FAM193A: variants seen among roughly 807,000 people sequenced by gnomAD.
FAM193A encodes family with sequence similarity 193 member A, also known as protein FAM193A.
A neutral mutation model predicts 126.5 loss-of-function variants in FAM193A; 22 were observed. The ratio of observed to expected loss-of-function variants is 0.17; its 90% CI spans 0.12 to 0.25. The LOEUF (loss-of-function observed/expected upper bound fraction) is 0.25. FAM193A is among the 10% of genes least tolerant of loss of function. The pLI, the probability that FAM193A is intolerant of heterozygous loss-of-function variation, is 1.00. For missense variants in FAM193A, 1,675 were observed against 1,672.8 expected, an observed-to-expected ratio of 1.00 and a Z score of -0.02; for synonymous variants, 761 against 646.8, an observed-to-expected ratio of 1.18 and a Z score of -2.68.
chr4:2,620,471 G>T (rs1742472793), intron 2 of FAM193A, among the ~76,000 whole-genome samples: 1 of 152,138 alleles, frequency 6.6e-6, no homozygotes, highest in South Asian at 2.1e-4. Flanking sequence ...ATTAACTGGG[G>T]TGTTTAGGTT....
chr4:2,627,250 T>C (rs1743063356), intron 4 of FAM193A, among the ~76,000 whole-genome samples: 1 of 146,918 alleles, frequency 6.8e-6, no homozygotes, highest in Non-Finnish European at 1.5e-5. Context: ...AACCCCTGCC[T>C]CCCGCATTCA....
chr4:2,586,802 T>C (rs1740265703), intron 1 of FAM193A, among the ~76,000 whole-genome samples: 1 of 151,914 alleles, frequency 6.6e-6, no homozygotes, highest in African/African-American at 2.4e-5. Flanking sequence ...TACAGGTGCA[T>C]GCCACTATGC....
intron 4 of FAM193A, 63 bp from the exon 5 acceptor site, chr4:2,630,872 A>G (rs1459029916): frequency 1.1e-6 from 1 of 898,020 alleles, no homozygotes; most frequent in East Asian, 2.5e-5. Flanking sequence ...AAAGATGCTC[A>G]CTGACATCAG....
intron 1 of FAM193A, among the ~76,000 whole-genome samples, chr4:2,593,608 C>G (rs1224536586): frequency 5.3e-5 from 8 of 152,194 alleles, no homozygotes; most frequent in Non-Finnish European, 1.0e-4. Context: ...AGTCCCTGAG[C>G]ATGTGATGGG....
chr4:2,606,213 G>T (rs1741542927), intron 2 of FAM193A, among the ~76,000 whole-genome samples: 1 of 151,414 alleles, frequency 6.6e-6, no homozygotes, highest in South Asian at 2.1e-4. Context: ...ACTGCGCCCG[G>T]CTAATTTTTG....
chr4:2,726,879 A>AG (rs1720809908), intron 20 of FAM193A, among the ~76,000 whole-genome samples: 1 of 145,456 alleles, frequency 6.9e-6, no homozygotes, highest in African/African-American at 2.6e-5. Flanking sequence ...GAACCCAGGA[A>AG]GAGGAGGTTG....
intron 18 of FAM193A, among the ~76,000 whole-genome samples, chr4:2,697,375 C>T (rs1480907036): frequency 1.3e-5 from 2 of 152,078 alleles, no homozygotes. Flanking sequence ...CAACTTTTTT[C>T]TCTTGGAGGA....
rs906293632 is a variant in FAM193A, at chr4:2,644,032, C to T, written c.1164-2653C>T. ...GGTAACATTACAGTAAGCATATTTTCATGCTGCTGTCTTGTATTTGCAAGC... is the reference window on the plus strand; with the variant it reads ...GGTAACATTACAGTAAGCATATTTTTATGCTGCTGTCTTGTATTTGCAAGC... On this transcript the variant is annotated intron_variant, in intron 6 of 20. Coordinates refer to ENST00000637812, the MANE Select transcript of FAM193A (RefSeq NM_001366318.2). Among the ~76,000 whole-genome samples, 3 of 152,162 alleles carry T rather than the reference C, an allele frequency of 2.0e-5. No individual in the cohort carries two copies. In the East Asian group the frequency reaches 5.8e-4, roughly 29 times the overall value.
chr4:2,597,170 A>G (rs1257810514), intron 2 of FAM193A, among the ~76,000 whole-genome samples: 7 of 152,068 alleles, frequency 4.6e-5, no homozygotes, highest in Non-Finnish European at 1.0e-4. Context: ...CATTGTCAGA[A>G]TTACTTTCTC....
At chr4:2,607,944 T>A in intron 2 of FAM193A, 1 of 1,410,700 alleles carries the variant, frequency 7.1e-7, no homozygotes, top group Non-Finnish European at 9.7e-7. Context: ...TGAACACAGA[T>A]TCTTTTCTTT....
intron 13 of FAM193A, among the ~76,000 whole-genome samples, chr4:2,677,479 A>C (rs188007283): frequency 2.2e-4 from 34 of 151,756 alleles, no homozygotes; most frequent in Admixed American, 3.3e-4. Context: ...GGTGGCTTAC[A>C]CTTGTAATCC....
intron 12 of FAM193A, among the ~76,000 whole-genome samples, chr4:2,664,558 C>CTTTTTTTTTTTTTTTTTTTT (rs33958851): frequency 1.4e-5 from 1 of 73,094 alleles, no homozygotes; most frequent in Admixed American, 1.6e-4. Context: ...TATTTTCTTT[C>CTTTTTTTTTTTTTTTTTTTT]TTTTTTTTTT....
chr4:2,564,696 G>A (rs1467968420), intron 1 of FAM193A, among the ~76,000 whole-genome samples: 1 of 152,080 alleles, frequency 6.6e-6, no homozygotes, highest in African/African-American at 2.4e-5. Context: ...AAATATTTTT[G>A]GAGTATTCAT....
chr4:2,667,589 T>C (rs184351622), intron 12 of FAM193A, among the ~76,000 whole-genome samples: 1 of 152,348 alleles, frequency 6.6e-6, no homozygotes, highest in Non-Finnish European at 1.5e-5. Context: ...TTAACGTCCG[T>C]TTTATTTGTT....
In FAM193A at chr4:2,608,033, G is replaced by A. The variant is rs1397099532; in HGVS notation, c.501+11704G>A. The A allele has an allele frequency of 6.2e-6, 10 of 1,606,472 alleles. No homozygotes were observed. In the East Asian group the frequency reaches 9.0e-5, roughly 14 times the overall value. ...TGTGAATGTGCACCACGCACTTCAC[G>A]TCCGGGTGTGCAGCATAAATTGCAG... On this transcript the variant is annotated intron_variant, in intron 2 of 20. Coordinates refer to ENST00000637812, the MANE Select transcript of FAM193A (RefSeq NM_001366318.2).
chr4:2,694,926 G>T lies in FAM193A; in HGVS notation c.3093-20G>T, dbSNP rs1716860569. ...TCCCGGGCCGGCCACTTGCTGATGA[G>T]CTTGTATGCGGTTTTGCAGTGACCC... On this transcript the variant is annotated intron_variant, in intron 16 of 20. Transcript: ENST00000637812. 1 of 1,571,186 alleles carries T rather than the reference G, an allele frequency of 6.4e-7. No homozygotes were observed. The highest frequency in any genetic ancestry group is 1.2e-5 in the South Asian group (1 of 83,940).
At chr4:2,567,124 A>G (rs922895715) in intron 1 of FAM193A, among the ~76,000 whole-genome samples, 20 of 122,254 alleles carry the variant, frequency 1.6e-4, no homozygotes, top group African/African-American at 5.7e-4. Flanking sequence ...TTTTTTTTGT[A>G]TTTTTAGTAG....
intron 1 of FAM193A, among the ~76,000 whole-genome samples, chr4:2,556,018 T>TC (rs1447916557): frequency 6.6e-6 from 1 of 151,596 alleles, no homozygotes; most frequent in African/African-American, 2.4e-5. Context: ...TGTCTCAGCC[T>TC]CCCGAGTAGC....
intron 2 of FAM193A, among the ~76,000 whole-genome samples, chr4:2,619,530 G>A (rs182793424): frequency 9.4e-4 from 143 of 151,782 alleles, no homozygotes; most frequent in African/African-American, 3.4e-3. Flanking sequence ...GTAGAGGTGG[G>A]GTAATTTTTG....
Sources: allele counts gnomAD v4.1 joint callset (sites outside exome capture counted in the v4.1 genomes callset), GRCh38; gene constraint gnomAD v4.1.1; transcripts MANE v1.5; gene names NCBI Gene and HGNC (gene_info 2026-07-23, HGNC 2026-07-21).